The following ZNF208 variants were observed in gnomAD, a reference collection of about 807,000 sequenced individuals.
The protein encoded by ZNF208 is zinc finger protein 95.
In ZNF208, 10 loss-of-function variants were observed where a neutral mutation model predicts 12.1. That is an observed-to-expected ratio of 0.83 (90% CI 0.51 to 1.40). The LOEUF (loss-of-function observed/expected upper bound fraction) is 1.40, where lower values mean the gene tolerates loss of function less well. ZNF208 is among the 40% of genes most tolerant of loss of function. ZNF208 has a pLI of 0.00. For synonymous variants in ZNF208, 497 were observed against 488.4 expected (o/e 1.02, Z -0.23); for missense variants, 1,652 against 1,485.0 (o/e 1.11, Z -1.85).
Position 21,974,250 on chromosome 19 carries a change from A to C in ZNF208, c.784T>G (p.Cys262Gly), listed in dbSNP as rs749625830. 6.2e-7 allele frequency: 1 copy of C among 1,612,550 alleles called. No individual in the cohort carries two copies. The highest frequency in any genetic ancestry group is 8.5e-7 in the Non-Finnish European group (1 of 1,179,180). The stretch of plus-strand genomic sequence containing the variant: ...GCAGATTGGTTAAAAGCCTTGCCAC[A>C]TTCTTCACATTTGTAGGATTTCTCT... Reference protein sequence around the residue: ...TGEKSYKCEECGKAFNQSAIL... With the variant: ...TGEKSYKCEEGGKAFNQSAIL... Residue 262 changes from cysteine to glycine, a missense_variant, in exon 4 of 4, where the codon TGT becomes GGT. This residue lies in a region of ZNF208 where 410 missense variants were observed against 378.2 expected (regional missense o/e 1.08). Transcript: ENST00000397126.
rs1237638866 is a variant in ZNF208 at position 21,971,507 on chromosome 19, T to A, written c.3527A>T (p.Lys1176Ile). 1.2e-6 allele frequency: 2 copies of A among 1,611,314 alleles called. No individual in the cohort carries two copies. The part of the protein sequence containing the change: ...EKPYKCEECG[K>I]GFVMFSILAK... ...AAGGATTGAGAACATAACAAAGCCTTTGCCACATTCTTCACATTTGTAGGG... is the reference window on the plus strand; with the variant it reads ...AAGGATTGAGAACATAACAAAGCCTATGCCACATTCTTCACATTTGTAGGG... Residue 1176 changes from lysine to isoleucine, a missense_variant, in exon 4 of 4, where the codon AAA becomes ATA. Coordinates refer to ENST00000397126, the MANE Select transcript of ZNF208 (RefSeq NM_007153.3).
At chr19:21,959,827 G>A (rs894353940) in intron 4 of ZNF208, among the ~76,000 whole-genome samples, 1 of 152,044 alleles carries the variant, frequency 6.6e-6, no homozygotes, top group African/African-American at 2.4e-5. Flanking sequence ...GTCAGAAGAA[G>A]GTAACTTGAA....
chr19:21,973,579 T>C lies in ZNF208; in HGVS notation c.1455A>G (p.Glu485=). The C allele has an allele frequency of 1.2e-6, 2 of 1,612,016 alleles. No individual in the cohort carries two copies. The highest frequency in any genetic ancestry group is 1.7e-6 in the Non-Finnish European group (2 of 1,179,278). ...CTCCAGCATGAGTTGCCTTATCACA[T>C]TCTTCACATTTGTAGGGTTTCTCTC... ...HNGEKPYKCE[E]CDKATHAGEK... The change falls in exon 4 of 4, where the codon GAA becomes GAG. Residue 485 remains glutamate (E), a synonymous_variant. Transcript: ENST00000397126.
intron 1 of ZNF208, among the ~76,000 whole-genome samples, chr19:21,989,621 T>G (rs950822181): frequency 6.6e-6 from 1 of 152,102 alleles, no homozygotes; most frequent in African/African-American, 2.4e-5. Flanking sequence ...CTGGGTCAAA[T>G]GTTATTTCTA....
In ZNF208 at chr19:21,970,616, CA is replaced by C; in HGVS notation, c.*574del. 1.1e-6 allele frequency: 1 copy of C among 934,026 alleles called. No homozygotes were observed. The allele number at this position is 934,026 out of a possible 1,614,324, so 57.9% of individuals were successfully genotyped here. A position where few individuals can be genotyped will look rare whatever the true frequency, so the allele number is the denominator to read the frequency against. On this transcript the variant is annotated 3_prime_UTR_variant, in exon 4 of 4. Transcript: ENST00000397126. Reference sequence around the variant, plus strand: ...CATTCTTCACATTTGTAGGGCTTCTCACCAGTATGAATTCTCTTATGTTCCA... The same window carrying C: ...CATTCTTCACATTTGTAGGGCTTCTCCCAGTATGAATTCTCTTATGTTCCA...
rs781767771 is a variant in ZNF208 at position 21,969,200 on chromosome 19, G to C, written c.*1991C>G. 6.6e-6 allele frequency among the ~76,000 whole-genome samples: 1 copy of C among 151,902 alleles called. No homozygotes were observed. Among genetic ancestry groups the C allele is most frequent in the Non-Finnish European group, 1.5e-5 (1 of 67,976 alleles). On this transcript the variant is annotated 3_prime_UTR_variant, in exon 4 of 4. Transcript: ENST00000397126. ...TAGTTCCACTATGTTGGCAAGGCTG[G>C]TCTTGAACTCCTGACCTCAGGTGAT...
chr19:21,956,390 C>T (rs1426884130), intron 4 of ZNF208, among the ~76,000 whole-genome samples: 2 of 152,222 alleles, frequency 1.3e-5, no homozygotes, highest in Non-Finnish European at 2.9e-5. Flanking sequence ...TTTAAGTCTG[C>T]AGAAGTTTCT....
downstream of ZNF208, among the ~76,000 whole-genome samples, chr19:21,962,063 C>G (rs780209374): frequency 6.6e-6 from 1 of 152,104 alleles, no homozygotes; most frequent in Non-Finnish European, 1.5e-5. Context: ...GAAATCTTCA[C>G]AATTGATGTT....
At chr19:21,977,191 C>T (rs1265461969) in intron 3 of ZNF208, among the ~76,000 whole-genome samples, 1 of 152,128 alleles carries the variant, frequency 6.6e-6, no homozygotes, top group East Asian at 1.9e-4. Flanking sequence ...CAAATACTGA[C>T]AGAATAGAAG....
At chr19:21,998,683 C>A (rs2078235) in intron 1 of ZNF208, 94,121 of 151,976 alleles carry the variant, frequency 0.62, 29,851 homozygotes, top group African/African-American at 0.74. Context: ...TGATCCACCC[C>A]CCTTGGCCTC....
intron 1 of ZNF208, among the ~76,000 whole-genome samples, chr19:21,994,656 CA>C (rs372107580): frequency 1.0e-4 from 15 of 148,826 alleles, no homozygotes; most frequent in African/African-American, 1.5e-4. Context: ...ATAAGCAATT[CA>C]AAAAAAAATC....
intron 1 of ZNF208, among the ~76,000 whole-genome samples, chr19:21,996,966 T>G (rs374301064): frequency 2.6e-5 from 4 of 152,200 alleles, no homozygotes; most frequent in African/African-American, 7.2e-5. Context: ...AACTGTGAAT[T>G]GACTGGAAGC....
chr19:21,973,946 T>C lies in ZNF208; in HGVS notation c.1088A>G (p.His363Arg), dbSNP rs757990953. The change falls in exon 4 of 4, where the codon CAT becomes CGT. Residue 363 changes from histidine to arginine, a missense_variant. Coordinates refer to ENST00000397126, the MANE Select transcript of ZNF208 (RefSeq NM_007153.3). Reference protein sequence around the residue: ...FSILTKHKVIHTGEKPYKCEE... With the variant: ...FSILTKHKVIRTGEKPYKCEE... ...ACATTTGTAGGGTTTCTCTCCAGTA[T>C]GAATTACCTTATGTTTAGTAAGGAT... 1.2e-5 allele frequency: 20 copies of C among 1,613,668 alleles called. No individual in the cohort carries two copies. The South Asian group carries it at 2.2e-4, about 18-fold the overall frequency.
chr19:21,948,394 C>A (rs774259440), intron 4 of ZNF208, among the ~76,000 whole-genome samples: 3 of 152,180 alleles, frequency 2.0e-5, no homozygotes, highest in African/African-American at 7.2e-5. Context: ...GCCCTCTTGG[C>A]AGCCCTACAA....
Position 21,974,406 on chromosome 19 carries a change from A to C in ZNF208, c.628T>G (p.Phe210Val), listed in dbSNP as rs1476318575. Residue 210 changes from phenylalanine to valine, a missense_variant, in exon 4 of 4, where the codon TTT becomes GTT. By Grantham distance (50) the Phe-to-Val change is conservative. This residue lies in a region of ZNF208 where 410 missense variants were observed against 378.2 expected (regional missense o/e 1.08). Coordinates refer to ENST00000397126, the MANE Select transcript of ZNF208 (RefSeq NM_007153.3). The part of the protein sequence containing the change: ...SYKCEEGGKA[F>V]NWSSTLTYYK... ...TAAGTAAGGGTTGAGGACCAGTTAA[A>C]AGCTTTGCCACCTTCTTCACATTTG... 2.2e-5 allele frequency: 36 copies of C among 1,613,758 alleles called. No homozygotes were observed. The highest frequency in any genetic ancestry group is 3.1e-5 in the Non-Finnish European group (36 of 1,179,838).
At chr19:21,978,807 C>T (rs561282741) in intron 3 of ZNF208, among the ~76,000 whole-genome samples, 12 of 151,932 alleles carry the variant, frequency 7.9e-5, no homozygotes, top group African/African-American at 2.7e-4. Flanking sequence ...ATGTTCTAAC[C>T]CAATGCCAGG....
chr19:21,977,691 TC>T (rs1422216930), intron 3 of ZNF208, among the ~76,000 whole-genome samples: 1 of 151,978 alleles, frequency 6.6e-6, no homozygotes, highest in African/African-American at 2.4e-5. Context: ...AGGCTTTTTT[TC>T]CCCCATACCC....
Position 21,971,303 on chromosome 19 carries a change from T to C in ZNF208, c.3731A>G (p.Lys1244Arg). The change falls in exon 4 of 4, where the codon AAG becomes AGG. Residue 1244 changes from lysine to arginine, a missense_variant. By Grantham distance (26) the Lys-to-Arg change is conservative (BLOSUM62 2). Coordinates refer to ENST00000397126, the MANE Select transcript of ZNF208 (RefSeq NM_007153.3). ...GGGTTTCTCTCCAGTATGAATTACCTTATGTTTAGTGAGGATTGAGAACGT... is the reference window on the plus strand; with the variant it reads ...GGGTTTCTCTCCAGTATGAATTACCCTATGTTTAGTGAGGATTGAGAACGT... The part of the protein sequence containing the change: ...FSTFSILTKH[K>R]VIHTGEKPYK... 6.2e-7 allele frequency: 1 copy of C among 1,612,028 alleles called. No individual in the cohort carries two copies. Among genetic ancestry groups the C allele is most frequent in the Non-Finnish European group, 8.5e-7 (1 of 1,179,926 alleles).
intron 3 of ZNF208, among the ~76,000 whole-genome samples, chr19:21,978,680 C>T (rs1352849775): frequency 3.3e-5 from 5 of 152,176 alleles, no homozygotes; most frequent in Admixed American, 3.3e-4. Flanking sequence ...CAAAGGATCA[C>T]AACTCATTGC....
Sources: allele counts gnomAD v4.1 joint callset (sites outside exome capture counted in the v4.1 genomes callset), GRCh38; gene constraint gnomAD v4.1.1; regional missense constraint gnomAD v4.1.1; transcripts MANE v1.5; gene names NCBI Gene and HGNC (gene_info 2026-07-23, HGNC 2026-07-21).